Variants in EGLN1 observed in about 807,000 individuals in gnomAD.
EGLN1 encodes egl nine homolog 1.
A neutral mutation model predicts 38.3 loss-of-function variants in EGLN1; 17 were observed. The observed-to-expected ratio is 0.44, with a 90% CI of 0.30 to 0.67. EGLN1 has a LOEUF of 0.67. Among genes scored for constraint, EGLN1 ranks in the 30% least tolerant of loss-of-function variants. EGLN1 has a pLI of 0.08. For missense variants in EGLN1, 477 were observed against 603.3 expected (o/e 0.79, Z 2.19); for synonymous variants, 283 against 257.5 (o/e 1.10, Z -0.95).
intron 1 of EGLN1, among the ~76,000 whole-genome samples, chr1:231,399,407 C>T (rs1206484650): frequency 1.3e-5 from 2 of 152,146 alleles, no homozygotes; most frequent in Admixed American, 6.5e-5. Context: ...CCTGACAGGC[C>T]TATAATCCTT....
At chr1:231,385,906 A>G (rs780284742) in intron 1 of EGLN1, among the ~76,000 whole-genome samples, 2 of 152,226 alleles carry the variant, frequency 1.3e-5, no homozygotes, top group Admixed American at 6.5e-5. Context: ...GCTGGAGTGC[A>G]GTGGCGTGAT....
chr1:231,382,246 T>C (rs1200686948), intron 1 of EGLN1, among the ~76,000 whole-genome samples: 1 of 152,226 alleles, frequency 6.6e-6, no homozygotes, highest in Non-Finnish European at 1.5e-5. Flanking sequence ...AGAGTTACGA[T>C]TTAAATTCCT....
At chr1:231,375,304 C>T (rs534874326) in intron 1 of EGLN1, among the ~76,000 whole-genome samples, 2 of 150,640 alleles carry the variant, frequency 1.3e-5, no homozygotes, top group African/African-American at 4.8e-5. Flanking sequence ...GATCCTCCTG[C>T]CTCAGCCTCC....
chr1:231,415,871 G>A (rs568618025), intron 1 of EGLN1, among the ~76,000 whole-genome samples: 244 of 146,978 alleles, frequency 1.7e-3, no homozygotes, highest in South Asian at 4.5e-3. Flanking sequence ...TTTTTGAGAC[G>A]GAGTCTCGCT....
intron 1 of EGLN1, among the ~76,000 whole-genome samples, chr1:231,417,055 A>G (rs375886698): frequency 6.6e-6 from 1 of 152,210 alleles, no homozygotes; most frequent in South Asian, 2.1e-4. Flanking sequence ...AAAGTCTGAG[A>G]TCAGGATGCC....
chr1:231,371,715 T>C (rs904892225), intron 2 of EGLN1, among the ~76,000 whole-genome samples: 1 of 152,174 alleles, frequency 6.6e-6, no homozygotes, highest in African/African-American at 2.4e-5. Flanking sequence ...AGACAGACTT[T>C]GTCCTTGCGG....
intron 1 of EGLN1, among the ~76,000 whole-genome samples, chr1:231,401,097 G>A (rs947819809): frequency 6.6e-6 from 1 of 152,086 alleles, no homozygotes; most frequent in Non-Finnish European, 1.5e-5. Flanking sequence ...TGCATACAGT[G>A]AGATCAAGTA....
chr1:231,404,110 A>G (rs1001323729), intron 1 of EGLN1, among the ~76,000 whole-genome samples: 7 of 152,132 alleles, frequency 4.6e-5, no homozygotes, highest in South Asian at 2.1e-4. Flanking sequence ...TAATGGTTTC[A>G]AGTTTTGACT....
chr1:231,384,405 G>GAAA (rs34736172), intron 1 of EGLN1, among the ~76,000 whole-genome samples: 2 of 145,112 alleles, frequency 1.4e-5, no homozygotes, highest in Middle Eastern at 3.2e-3. Context: ...GCATTACGAA[G>GAAA]AAAAAAAAAA....
chr1:231,409,960 T>G (rs1688893454), intron 1 of EGLN1, among the ~76,000 whole-genome samples: 1 of 152,110 alleles, frequency 6.6e-6, no homozygotes, highest in South Asian at 2.1e-4. Context: ...TAAGAACTTG[T>G]GCTTCCATGA....
chr1:231,416,223 C>A (rs1572053320), intron 1 of EGLN1, among the ~76,000 whole-genome samples: 1 of 151,714 alleles, frequency 6.6e-6, no homozygotes, highest in Non-Finnish European at 1.5e-5. Context: ...GTCTTGAATT[C>A]CTGGACTCAA....
At chr1:231,392,663 G>T (rs1057365316) in intron 1 of EGLN1, among the ~76,000 whole-genome samples, 1 of 152,158 alleles carries the variant, frequency 6.6e-6, no homozygotes, top group African/African-American at 2.4e-5. Context: ...CTATGGTGAG[G>T]ATAAACAATA....
intron 1 of EGLN1, among the ~76,000 whole-genome samples, chr1:231,376,422 T>C (rs574774700): frequency 6.6e-6 from 1 of 152,344 alleles, no homozygotes; most frequent in East Asian, 1.9e-4. Context: ...TTTTATTTAA[T>C]AACAGCTCCA....
chr1:231,381,669 T>C (rs962646797), intron 1 of EGLN1, among the ~76,000 whole-genome samples: 8 of 152,226 alleles, frequency 5.3e-5, no homozygotes, highest in East Asian at 1.9e-4. Context: ...ATTTCCCTTT[T>C]AGTGAAGAAT....
intron 2 of EGLN1, 34 bp downstream of exon 2, chr1:231,373,946 A>T: frequency 6.2e-7 from 1 of 1,611,788 alleles, no homozygotes; most frequent in Non-Finnish European, 8.5e-7. Flanking sequence ...AGACACCTGT[A>T]AGAAAAAAAT....
chr1:231,384,177 A>G (rs1169496350), intron 1 of EGLN1, among the ~76,000 whole-genome samples: 2 of 152,040 alleles, frequency 1.3e-5, no homozygotes, highest in East Asian at 3.9e-4. Flanking sequence ...AACTCATTTA[A>G]AAAAAATTAA....
intron 1 of EGLN1, among the ~76,000 whole-genome samples, chr1:231,386,929 T>C (rs185593159): frequency 1.2e-4 from 19 of 152,282 alleles, no homozygotes; most frequent in African/African-American, 4.1e-4. Flanking sequence ...GCTTGGATCA[T>C]AGCTCACTAC....
rs35452787 is a variant in EGLN1, at chr1:231,398,335, C to CTT, written c.891+22661_891+22662dup. ...GCCAAGTCTAGTCCAACATCTTTTTCTTTTTTTTAAAGAGATGGGGGTCAC... is the reference window on the plus strand; with the variant it reads ...GCCAAGTCTAGTCCAACATCTTTTTCTTTTTTTTTTAAAGAGATGGGGGTCAC... On this transcript the variant is annotated intron_variant, in intron 1 of 4. Transcript: ENST00000366641. Among the ~76,000 whole-genome samples the CTT allele has an allele frequency of 7.5e-3, 1,137 of 151,826 alleles. 40 individuals are homozygous for CTT. The highest frequency in any genetic ancestry group is 0.063 in the Admixed American group (955 of 15,256).
chr1:231,405,971 C>A, intron 1 of EGLN1, among the ~76,000 whole-genome samples: 1 of 113,358 alleles, frequency 8.8e-6, no homozygotes, highest in African/African-American at 3.4e-5. Flanking sequence ...TTAGTAAGCA[C>A]CCCCCACCCC....
Sources: gnomAD v4.1 joint callset for allele counts (sites outside exome capture counted in the v4.1 genomes callset) on GRCh38, gnomAD v4.1.1 for gene constraint, MANE v1.5 for transcripts, NCBI Gene and HGNC (gene_info 2026-07-23, HGNC 2026-07-21) for gene names.